Variants in MALRD1 observed in about 807,000 individuals in gnomAD.
MALRD1 encodes the protein MAM and LDL receptor class A domain containing 1.
A neutral mutation model predicts 242.1 loss-of-function variants in MALRD1; 247 were observed. The observed-to-expected ratio is 1.02, with a 90% CI of 0.92 to 1.13. The LOEUF is 1.13. MALRD1 is among the 50% of genes most tolerant of loss of function. The probability of loss-of-function intolerance (pLI) is 0.00; values close to 1 mark genes in which losing one functional copy is unlikely to be tolerated. For missense variants in MALRD1, 2,989 were observed against 2,533.1 expected, an observed-to-expected ratio of 1.18 and a Z score of -3.86; for synonymous variants, 995 against 866.6, an observed-to-expected ratio of 1.15 and a Z score of -2.60.
At chr10:19,294,146 G>A (rs1054018460) in intron 21 of MALRD1, among the ~76,000 whole-genome samples, 2 of 152,054 alleles carry the variant, frequency 1.3e-5, no homozygotes, top group African/African-American at 2.4e-5. Flanking sequence ...GTTTACAATT[G>A]CATTCAAAAA....
chr10:19,317,468 T>A (rs1842755404), intron 21 of MALRD1, among the ~76,000 whole-genome samples: 1 of 151,930 alleles, frequency 6.6e-6, no homozygotes, highest in African/African-American at 2.4e-5. Context: ...CATAGCAAGT[T>A]TTTTGTATTT....
At chr10:19,440,930 C>T (rs1218583544) in intron 28 of MALRD1, among the ~76,000 whole-genome samples, 2 of 152,002 alleles carry the variant, frequency 1.3e-5, no homozygotes, top group Non-Finnish European at 2.9e-5. Context: ...CTGACTTCCA[C>T]AATGGTTGAA....
Position 19,175,900 on chromosome 10 carries a change from G to A in MALRD1, c.1951+572G>A, listed in dbSNP as rs16918317. Among the ~76,000 whole-genome samples, 1,455 of 152,158 alleles carry A rather than the reference G, an allele frequency of 9.6e-3. 24 individuals are homozygous for A. Among genetic ancestry groups the A allele is most frequent in the African/African-American group, 0.033 (1,374 of 41,522 alleles). ...AGAATATCAATTACAGGCCAGAAATGTTGCCATAAAAATGGATCTCATATA... is the reference window on the plus strand; with the variant it reads ...AGAATATCAATTACAGGCCAGAAATATTGCCATAAAAATGGATCTCATATA... On this transcript the variant is annotated intron_variant, in intron 14 of 39. Coordinates refer to ENST00000454679, the MANE Select transcript of MALRD1 (RefSeq NM_001142308.3).
At chr10:19,663,771 C>T (rs1176445167) in intron 36 of MALRD1, among the ~76,000 whole-genome samples, 1 of 151,948 alleles carries the variant, frequency 6.6e-6, no homozygotes, top group African/African-American at 2.4e-5. Flanking sequence ...CAGAATAATT[C>T]ACTTGTTAGG....
chr10:19,125,722 A>G lies in MALRD1; in HGVS notation c.943+1052A>G, dbSNP rs571446556. Among the ~76,000 whole-genome samples, 257 of 152,142 alleles carry G rather than the reference A, an allele frequency of 1.7e-3. 3 individuals carry two copies. The highest frequency in any genetic ancestry group is 5.9e-3 in the African/African-American group (246 of 41,552). On this transcript the variant is annotated intron_variant, in intron 7 of 39. Transcript: ENST00000454679. Reference sequence around the variant, plus strand: ...CTCTACTATTTCTGCCTTCTTGAACATGAGAAAGACCAAACTATCATTTAA... The same window carrying G: ...CTCTACTATTTCTGCCTTCTTGAACGTGAGAAAGACCAAACTATCATTTAA...
At chr10:19,415,179 T>C (rs1833464739) in intron 28 of MALRD1, among the ~76,000 whole-genome samples, 1 of 152,172 alleles carries the variant, frequency 6.6e-6, no homozygotes, top group Admixed American at 6.5e-5. Context: ...TAATCTTTAG[T>C]AGATACAATA....
At chr10:19,539,889 T>TGCGC (rs1834873419) in intron 32 of MALRD1, among the ~76,000 whole-genome samples, 1 of 82,190 alleles carries the variant, frequency 1.2e-5, no homozygotes, top group Admixed American at 1.5e-4. Flanking sequence ...TGTGTGTGTG[T>TGCGC]GTGTGTGTGC....
rs531888430 is a variant in MALRD1 at position 19,423,528 on chromosome 10, A to G, written c.4846-26779A>G. Among the ~76,000 whole-genome samples the G allele has an allele frequency of 9.9e-5, 15 of 152,228 alleles. No homozygotes were observed. In the South Asian group the frequency reaches 1.7e-3, roughly 17 times the overall value. On this transcript the variant is annotated intron_variant, in intron 28 of 39. Coordinates refer to ENST00000454679, the MANE Select transcript of MALRD1 (RefSeq NM_001142308.3). ...TGATGGCAAAGTTTAAACAAAATACATTAAGCCGTGAGTCACTCTGTCTGC... is the reference window on the plus strand; with the variant it reads ...TGATGGCAAAGTTTAAACAAAATACGTTAAGCCGTGAGTCACTCTGTCTGC...
Position 19,291,855 on chromosome 10 carries a change from C to T in MALRD1, c.3419+8674C>T, listed in dbSNP as rs547927995. Among the ~76,000 whole-genome samples, 65 of 151,906 alleles carry T rather than the reference C, an allele frequency of 4.3e-4. 1 individual carries two copies. Among genetic ancestry groups the T allele is most frequent in the Middle Eastern group, 3.4e-3 (1 of 292 alleles). ...ATCCCAGCACTTTGGGAGGCTGAGG[C>T]GGGTGGATCACTTGATGTCAGGAGG... On this transcript the variant is annotated intron_variant, in intron 21 of 39. Transcript: ENST00000454679.
At chr10:19,180,555 A>G (rs2131556081) in intron 14 of MALRD1, among the ~76,000 whole-genome samples, 1 of 152,350 alleles carries the variant, frequency 6.6e-6, no homozygotes, top group South Asian at 2.1e-4. Context: ...CTTACACCGT[A>G]CACTTAAATA....
intron 14 of MALRD1, among the ~76,000 whole-genome samples, chr10:19,177,464 G>A (rs973704902): frequency 6.6e-6 from 1 of 152,016 alleles, no homozygotes; most frequent in South Asian, 2.1e-4. Flanking sequence ...AGGTATAGGG[G>A]CAGAAAGGTG....
intron 29 of MALRD1, among the ~76,000 whole-genome samples, chr10:19,455,678 C>G (rs1835610168): frequency 6.6e-6 from 1 of 152,150 alleles, no homozygotes; most frequent in Non-Finnish European, 1.5e-5. Context: ...CACTGCAAGC[C>G]TTCTTAATTG....
chr10:19,437,925 A>G (rs908020620), intron 28 of MALRD1, among the ~76,000 whole-genome samples: 15 of 152,248 alleles, frequency 9.9e-5, no homozygotes, highest in Non-Finnish European at 2.1e-4. Flanking sequence ...AAATTGCCCC[A>G]TTCCAAGTCC....
intron 35 of MALRD1, among the ~76,000 whole-genome samples, chr10:19,609,591 T>G (rs1838795390): frequency 6.6e-6 from 1 of 152,038 alleles, no homozygotes; most frequent in South Asian, 2.1e-4. Context: ...CTCACCTACC[T>G]TGAGGTTTAA....
chr10:19,310,149 C>G (rs368300831), intron 21 of MALRD1, among the ~76,000 whole-genome samples: 32 of 151,282 alleles, frequency 2.1e-4, no homozygotes, highest in East Asian at 9.8e-4. Flanking sequence ...TAAAGGTCCT[C>G]ACAGTTGGGA....
intron 36 of MALRD1, among the ~76,000 whole-genome samples, chr10:19,673,613 T>G (rs1249976230): frequency 2.0e-5 from 3 of 152,138 alleles, no homozygotes; most frequent in Admixed American, 6.5e-5. Context: ...TTGGCTTATT[T>G]TCCAAATGTA....
chr10:19,330,099 T>C (rs1486022150), intron 23 of MALRD1, among the ~76,000 whole-genome samples: 1 of 152,148 alleles, frequency 6.6e-6, no homozygotes, highest in Non-Finnish European at 1.5e-5. Context: ...GTCCTTATTA[T>C]ACTTTCTGGT....
At position 19,123,305 on chromosome 10, in the gene MALRD1, A is replaced by ATGTGTG. The variant is rs35317209; in HGVS notation, c.695-172_695-167dup. Among the ~76,000 whole-genome samples the ATGTGTG allele has an allele frequency of 7.5e-3, 1,131 of 149,972 alleles. 12 individuals carry two copies. The highest frequency in any genetic ancestry group is 0.02 in the African/African-American group (807 of 40,934). ...CTCTGTCTCTATTTGAGTGGTGTGT[A>ATGTGTG]TGTGTGTGTGTGTGTGTGTGAGAGA... On this transcript the variant is annotated intron_variant, in intron 5 of 39. Transcript: ENST00000454679.
chr10:19,494,927 C>A (rs891467091), intron 30 of MALRD1, among the ~76,000 whole-genome samples: 5 of 152,000 alleles, frequency 3.3e-5, no homozygotes. Context: ...ATGAAGAGAA[C>A]CCCTGCAAGA....
Sources: gnomAD v4.1 joint callset for allele counts (sites outside exome capture counted in the v4.1 genomes callset) on GRCh38, gnomAD v4.1.1 for gene constraint, MANE v1.5 for transcripts, NCBI Gene and HGNC (gene_info 2026-07-23, HGNC 2026-07-21) for gene names.